ADAMTS9: variants seen among roughly 807,000 people sequenced by gnomAD.
ADAMTS9 encodes ADAM metallopeptidase with thrombospondin type 1 motif 9, also known as A disintegrin and metalloproteinase with thrombospondin motifs 9.
In ADAMTS9, 107 loss-of-function variants were observed where a neutral mutation model predicts 257.1. The observed-to-expected ratio is 0.42, with a 90% CI of 0.36 to 0.49. ADAMTS9 has a LOEUF of 0.49. ADAMTS9 is among the 20% of genes least tolerant of loss of function. The probability of loss-of-function intolerance (pLI) is 0.03; values close to 1 mark genes in which losing one functional copy is unlikely to be tolerated. For missense variants in ADAMTS9, 2,353 were observed against 2,469.1 expected (o/e 0.95, Z 1.00); for synonymous variants, 982 against 880.9 (o/e 1.11, Z -2.03).
rs902861544 is a variant in ADAMTS9, at chr3:64,575,073, C to T, written c.4357-6538G>A. Among the ~76,000 whole-genome samples, 75 of 152,172 alleles carry T rather than the reference C, an allele frequency of 4.9e-4. 2 individuals carry two copies. The highest frequency in any genetic ancestry group is 2.6e-4 in the Admixed American group (4 of 15,280). ...GAAGCTACCCTACTTTTCTCTTGGA[C>T]ATTTTTCAGGGTTTATTAACTCGTT... On this transcript the variant is annotated intron_variant, in intron 28 of 39. Transcript: ENST00000498707.
intron 21 of ADAMTS9, chr3:64,615,053 T>C (rs1317706735): frequency 2.9e-6 from 1 of 342,654 alleles, no homozygotes; most frequent in African/African-American, 2.1e-5. Context: ...GGGAAGGTGA[T>C]GGACTGCAAC....
rs540628130 is a variant in ADAMTS9 at position 64,589,099 on chromosome 3, C to T, written c.4356+5159G>A. ...ATACATATGCATTTAATGTGATATT[C>T]CTTATAGTCAAAATCTTGATATCAT... is the stretch of plus-strand genomic sequence containing the variant. On this transcript the variant is annotated intron_variant, in intron 28 of 39. Coordinates refer to ENST00000498707, the MANE Select transcript of ADAMTS9 (RefSeq NM_182920.2). 2.0e-5 allele frequency: 3 copies of T among 152,036 alleles called. No homozygotes were observed. The East Asian group carries it at 5.8e-4, about 29-fold the overall frequency. 9.4% of individuals were successfully genotyped at this position (152,036 alleles called of 1,614,324 possible). A position where few individuals can be genotyped will look rare whatever the true frequency, so the allele number is the denominator to read the frequency against.
Position 64,538,077 on chromosome 3 carries a change from G to A in ADAMTS9, c.5613+1126C>T, listed in dbSNP as rs528850938. ...CACTTCTGGTCCGAACACTGCAGAC[G>A]TTGTAGAACTGAAGTAGGGGTAACA... is the stretch of plus-strand genomic sequence containing the variant. On this transcript the variant is annotated intron_variant, in intron 37 of 39. Coordinates refer to ENST00000498707, the MANE Select transcript of ADAMTS9 (RefSeq NM_182920.2). Among the ~76,000 whole-genome samples, 19 of 152,308 alleles carry A rather than the reference G, an allele frequency of 1.2e-4. No homozygotes were observed. The South Asian group carries it at 3.9e-3, about 32-fold the overall frequency.
intron 31 of ADAMTS9, among the ~76,000 whole-genome samples, chr3:64,549,919 T>C (rs1226214412): frequency 1.3e-5 from 2 of 152,228 alleles, no homozygotes; most frequent in East Asian, 3.8e-4. Context: ...ATCATCTAAA[T>C]GCAAATATTC....
intron 27 of ADAMTS9, 133 bp downstream of exon 27, chr3:64,596,697 G>A (rs936563953): frequency 1.9e-6 from 2 of 1,067,186 alleles, no homozygotes; most frequent in Non-Finnish European, 2.7e-6. Flanking sequence ...AAGAAGACAG[G>A]TTTCCTAGTT....
rs1042135463 is a variant in ADAMTS9 at position 64,686,484 on chromosome 3, G to T, written c.516+84C>A. The T allele has an allele frequency of 6.9e-7, 1 of 1,455,610 alleles. No individual in the cohort carries two copies. Among genetic ancestry groups the T allele is most frequent in the Non-Finnish European group, 9.1e-7 (1 of 1,094,520 alleles). 90.2% of individuals were successfully genotyped at this position (1,455,610 alleles called of 1,614,324 possible). On this transcript the variant is annotated intron_variant, in intron 2 of 39. Coordinates refer to ENST00000498707, the MANE Select transcript of ADAMTS9 (RefSeq NM_182920.2). The surrounding 1 kb of genome is among the most constrained non-coding windows in gnomAD (Gnocchi z 4.6). ...GGAGCGGAGCCTCGCCACAGTGAGGGTCTCTAGGCTTAGAGGACAATTAAG... is the reference window on the plus strand; with the variant it reads ...GGAGCGGAGCCTCGCCACAGTGAGGTTCTCTAGGCTTAGAGGACAATTAAG...
intron 28 of ADAMTS9, among the ~76,000 whole-genome samples, chr3:64,590,892 G>A (rs1269401094): frequency 6.6e-6 from 1 of 152,176 alleles, no homozygotes; most frequent in Non-Finnish European, 1.5e-5. Flanking sequence ...CAGGTTGACA[G>A]GGCAATGCAC....
At chr3:64,551,207 T>G (rs1373919499) in intron 30 of ADAMTS9, 145 bp from the exon 31 acceptor site, 2 of 972,724 alleles carry the variant, frequency 2.1e-6, no homozygotes, top group East Asian at 5.4e-5. Flanking sequence ...GTTTTTTTGT[T>G]TTTTTGGTTT....
At chr3:64,576,915 G>A (rs1017157359) in intron 28 of ADAMTS9, among the ~76,000 whole-genome samples, 18 of 152,158 alleles carry the variant, frequency 1.2e-4, no homozygotes, top group African/African-American at 3.9e-4. Flanking sequence ...GGGAGACAAC[G>A]AGGGGCTCAC....
intron 28 of ADAMTS9, among the ~76,000 whole-genome samples, chr3:64,575,550 G>T (rs1265229072): frequency 2.0e-5 from 3 of 152,144 alleles, no homozygotes; most frequent in Non-Finnish European, 1.5e-5. Context: ...GTGCTTGGGT[G>T]CTGCCAACAC....
intron 29 of ADAMTS9, among the ~76,000 whole-genome samples, chr3:64,566,031 C>A (rs143103779): frequency 6.6e-6 from 1 of 152,120 alleles, no homozygotes; most frequent in Non-Finnish European, 1.5e-5. Context: ...TCAGACCTTT[C>A]GATGTGATGA....
chr3:64,520,320 C>A (rs1190535343), intron 39 of ADAMTS9, among the ~76,000 whole-genome samples: 1 of 152,100 alleles, frequency 6.6e-6, no homozygotes, highest in African/African-American at 2.4e-5. Context: ...ACGTTCCATG[C>A]TCATCTATTG....
intron 3 of ADAMTS9, among the ~76,000 whole-genome samples, chr3:64,663,251 T>C (rs1456137724): frequency 1.3e-5 from 2 of 152,066 alleles, no homozygotes; most frequent in African/African-American, 4.8e-5. Flanking sequence ...GGGTGAATAA[T>C]ATGTATGGGA....
At position 64,686,791 on chromosome 3, in the gene ADAMTS9, G is replaced by T. The variant is rs183838156; in HGVS notation, c.293C>A (p.Ala98Glu). 1.5e-5 allele frequency: 24 copies of T among 1,614,042 alleles called. No individual in the cohort carries two copies. The highest frequency in any genetic ancestry group is 1.6e-4 in the Middle Eastern group (1 of 6,084). Residue 98 changes from alanine to glutamate, a missense_variant, in exon 2 of 40, where the codon GCG (alanine) becomes GAG (glutamate). By Grantham distance (107) the Ala-to-Glu change is moderately radical. This residue lies in a region of ADAMTS9 where 591 missense variants were observed against 569.6 expected (regional missense o/e 1.04). Coordinates refer to ENST00000498707, the MANE Select transcript of ADAMTS9 (RefSeq NM_182920.2). The surrounding 1 kb of genome is among the most constrained non-coding windows in gnomAD (Gnocchi z 4.6). The stretch of plus-strand genomic sequence containing the variant: ...GCCGAAGGCAGAGAGGCGGTAATGC[G>T]CCTGGGAGGAGGTAGAGGAGGAAGA... ...SSSSSSTSSQ[A>E]HYRLSAFGQQ...
intron 22 of ADAMTS9, among the ~76,000 whole-genome samples, chr3:64,613,066 T>C (rs778854724): frequency 6.6e-6 from 1 of 152,094 alleles, no homozygotes; most frequent in Non-Finnish European, 1.5e-5. Context: ...ATGAAATCTG[T>C]TGTGAATTTG....
intron 9 of ADAMTS9, chr3:64,650,660 T>C (rs992432862): frequency 5.3e-6 from 1 of 190,230 alleles, no homozygotes; most frequent in Non-Finnish European, 1.1e-5. Flanking sequence ...AGGCCCAAAT[T>C]ACTAAATTAG....
intron 26 of ADAMTS9, among the ~76,000 whole-genome samples, chr3:64,600,093 AC>A (rs1364976575): frequency 1.4e-5 from 2 of 143,500 alleles, no homozygotes; most frequent in Non-Finnish European, 3.0e-5. Context: ...AATTGCTAAC[AC>A]ACCTTGCTCA....
At chr3:64,638,323 G>T (rs1339869839) in intron 12 of ADAMTS9, among the ~76,000 whole-genome samples, 1 of 152,050 alleles carries the variant, frequency 6.6e-6, no homozygotes, top group African/African-American at 2.4e-5. Flanking sequence ...ACAAGTATAG[G>T]GCCCAAAAGC....
chr3:64,656,430 CTA>C (rs1231513757), intron 4 of ADAMTS9, among the ~76,000 whole-genome samples: 1 of 152,124 alleles, frequency 6.6e-6, no homozygotes, highest in African/African-American at 2.4e-5. Context: ...GGGCTGAAAA[CTA>C]AATACACAAA....
Sources: gnomAD v4.1 joint callset for allele counts (sites outside exome capture counted in the v4.1 genomes callset) on GRCh38, gnomAD v4.1.1 for gene constraint, gnomAD v4.1.1 regional missense constraint, Gnocchi (gnomAD v3.1) non-coding constraint, MANE v1.5 for transcripts, NCBI Gene and HGNC (gene_info 2026-07-23, HGNC 2026-07-21) for gene names.